EPHB2: variants seen among roughly 807,000 people sequenced by gnomAD.
The protein encoded by EPHB2 is ephrin type-B receptor 2.
In EPHB2, 18 loss-of-function variants were observed where a neutral mutation model predicts 96.4. The ratio of observed to expected loss-of-function variants is 0.19; its 90% CI spans 0.13 to 0.28. The LOEUF (loss-of-function observed/expected upper bound fraction) is 0.28, where lower values mean the gene tolerates loss of function less well. Ranked by LOEUF, EPHB2 falls within the 10% of genes least tolerant of loss-of-function variation. The probability of loss-of-function intolerance (pLI) is 1.00; values close to 1 mark genes in which losing one functional copy is unlikely to be tolerated. For missense variants in EPHB2, 989 were observed against 1,355.4 expected (o/e 0.73, Z 4.25); for synonymous variants, 506 against 534.1 (o/e 0.95, Z 0.72).
intron 1 of EPHB2, among the ~76,000 whole-genome samples, chr1:22,776,860 T>C (rs2817912): frequency 0.89 from 135,673 of 152,222 alleles, 61,149 homozygotes; most frequent in Non-Finnish European, 0.96. Flanking sequence ...TATGCTCAAG[T>C]CTGGCAGATG....
At chr1:22,728,893 C>G (rs907484580) in intron 1 of EPHB2, among the ~76,000 whole-genome samples, 6 of 152,202 alleles carry the variant, frequency 3.9e-5, no homozygotes, top group Admixed American at 1.3e-4. Flanking sequence ...ATGACAGCTC[C>G]CAGTGGCCTG....
chr1:22,770,515 G>A (rs140321052), intron 1 of EPHB2, among the ~76,000 whole-genome samples: 2 of 152,298 alleles, frequency 1.3e-5, no homozygotes, highest in East Asian at 3.9e-4. Context: ...ACAGTGGCCT[G>A]TGTCTTATTG....
intron 1 of EPHB2, among the ~76,000 whole-genome samples, chr1:22,778,076 C>T (rs1003058430): frequency 2.0e-5 from 3 of 152,228 alleles, no homozygotes; most frequent in East Asian, 1.9e-4. Context: ...CCCAGGCTGG[C>T]GTGCAATGGT....
rs138319537 is a variant in EPHB2 at position 22,914,331 on chromosome 1, G to A, written c.*761G>A. ...GTCTGCAGCTCCAGGTACATATCAC[G>A]CGCACAGCCTGGCAGCCTGGCCCTC... On this transcript the variant is annotated 3_prime_UTR_variant, in exon 16 of 16. Transcript: ENST00000374630. The A allele has an allele frequency of 3.8e-3, 593 of 157,722 alleles. 3 individuals are homozygous for A. Among genetic ancestry groups the A allele is most frequent in the African/African-American group, 0.013 (554 of 41,600 alleles). 9.8% of individuals were successfully genotyped at this position (157,722 alleles called of 1,614,324 possible). A position where few individuals can be genotyped will look rare whatever the true frequency, so the allele number is the denominator to read the frequency against.
At chr1:22,774,717 C>A in intron 1 of EPHB2, 2 of 644,286 alleles carry the variant, frequency 3.1e-6, no homozygotes, top group Non-Finnish European at 3.9e-6. Context: ...GCAGCAGGAG[C>A]TCTGAAGGGC....
At chr1:22,854,983 A>G (rs1021300717) in intron 3 of EPHB2, among the ~76,000 whole-genome samples, 9 of 152,134 alleles carry the variant, frequency 5.9e-5, no homozygotes, top group Non-Finnish European at 1.2e-4. Flanking sequence ...AAACCCCTGA[A>G]AATATGCAAA....
chr1:22,871,746 AGTG>A (rs745378248), intron 5 of EPHB2, among the ~76,000 whole-genome samples: 1 of 152,204 alleles, frequency 6.6e-6, no homozygotes, highest in Non-Finnish European at 1.5e-5. Flanking sequence ...GGCCGGGTGC[AGTG>A]GCTCATGCCT....
chr1:22,821,676 T>G (rs1474368060), intron 3 of EPHB2, among the ~76,000 whole-genome samples: 3 of 152,252 alleles, frequency 2.0e-5, no homozygotes, highest in African/African-American at 7.2e-5. Flanking sequence ...TTTTCCTCTC[T>G]CCCTTGTCTG....
chr1:22,852,745 G>A (rs1027210977), intron 3 of EPHB2, among the ~76,000 whole-genome samples: 15 of 152,352 alleles, frequency 9.8e-5, no homozygotes, highest in Non-Finnish European at 2.1e-4. Context: ...TGAAAGTCCC[G>A]GTTGCTCCGG....
chr1:22,877,619 A>G (rs1638884823), intron 5 of EPHB2, among the ~76,000 whole-genome samples: 2 of 152,122 alleles, frequency 1.3e-5, no homozygotes. Context: ...CCGTATATAA[A>G]GAGTGTAGCC....
At chr1:22,804,711 A>T (rs1644899589) in intron 3 of EPHB2, among the ~76,000 whole-genome samples, 1 of 149,866 alleles carries the variant, frequency 6.7e-6, no homozygotes, top group Non-Finnish European at 1.5e-5. Context: ...CAGCTCTCTG[A>T]ACTTGACTCT....
intron 1 of EPHB2, among the ~76,000 whole-genome samples, chr1:22,732,222 G>A (rs1408748119): frequency 6.6e-6 from 1 of 152,136 alleles, no homozygotes; most frequent in African/African-American, 2.4e-5. Flanking sequence ...GGCTTAGAGG[G>A]TGGGGCTCTA....
At chr1:22,910,314 G>A in intron 13 of EPHB2, 68 bp from the exon 14 acceptor site, 1 of 1,594,290 alleles carries the variant, frequency 6.3e-7, no homozygotes, top group Admixed American at 1.7e-5. Context: ...GGGGTAAGAT[G>A]GGCCTGGCAG....
intron 3 of EPHB2, among the ~76,000 whole-genome samples, chr1:22,819,465 A>G (rs1291185680): frequency 6.6e-6 from 1 of 152,084 alleles, no homozygotes; most frequent in Non-Finnish European, 1.5e-5. Flanking sequence ...CTGTCTTGGG[A>G]CCTGCCATCT....
intron 15 of EPHB2, chr1:22,912,940 A>G: frequency 2.7e-6 from 1 of 377,020 alleles, no homozygotes; most frequent in Non-Finnish European, 5.1e-6. Context: ...CATGCCTGTA[A>G]TCTTAGTACA....
chr1:22,727,006 A>C (rs1044353791), intron 1 of EPHB2, among the ~76,000 whole-genome samples: 10 of 152,250 alleles, frequency 6.6e-5, no homozygotes, highest in African/African-American at 2.4e-4. Flanking sequence ...TGGTGAACCA[A>C]AGTGTGAGAA....
Position 22,913,285 on chromosome 1 carries a change from C to A in EPHB2, c.2853-177C>A. ...CCCTGATTCCGACTCAAGTGCTCTT[C>A]CACCTCACACCATAGTCGCTCCCTC... On this transcript the variant is annotated intron_variant, in intron 15 of 15. Transcript: ENST00000374630. This position sits in a 1 kb window ranked among gnomAD's most constrained non-coding sequence, Gnocchi z 4.1. 1.3e-6 allele frequency: 1 copy of A among 756,948 alleles called. No homozygotes were observed. The highest frequency in any genetic ancestry group is 2.2e-6 in the Non-Finnish European group (1 of 450,090). 46.9% of individuals were successfully genotyped at this position (756,948 alleles called of 1,614,324 possible).
At chr1:22,834,722 TG>T (rs1322380748) in intron 3 of EPHB2, among the ~76,000 whole-genome samples, 1 of 151,580 alleles carries the variant, frequency 6.6e-6, no homozygotes. Flanking sequence ...GGCAAGAGTT[TG>T]AGACCAGCCT....
rs147798911 is a variant in EPHB2 at position 22,865,070 on chromosome 1, C to G, written c.1161C>G (p.Gly387=). ...TACAGTACGCACCACGCCAGCTAGG[C>G]CTGACCGAGCCACGCATTTACATCA... ...DNVQYAPRQL[G]LTEPRIYISD... Residue 387 remains glycine (G), a synonymous_variant, in exon 5 of 16, where the codon GGC becomes GGG. Transcript: ENST00000374630. 4 of 1,614,092 alleles carry G rather than the reference C, an allele frequency of 2.5e-6. No homozygotes were observed. The African/African-American group carries it at 5.3e-5, about 22-fold the overall frequency.
Sources: gnomAD v4.1 joint callset for allele counts (sites outside exome capture counted in the v4.1 genomes callset) on GRCh38, gnomAD v4.1.1 for gene constraint, Gnocchi (gnomAD v3.1) non-coding constraint, MANE v1.5 for transcripts, NCBI Gene and HGNC (gene_info 2026-07-23, HGNC 2026-07-21) for gene names.